The following RAPGEF2 variants were observed in gnomAD, a reference collection of about 807,000 sequenced individuals.
RAPGEF2 encodes Rap guanine nucleotide exchange factor 2.
Under a neutral mutation model 186.7 loss-of-function variants are expected in RAPGEF2, and 54 were observed. The ratio of observed to expected loss-of-function variants is 0.29; its 90% confidence interval spans 0.23 to 0.36. The LOEUF (loss-of-function observed/expected upper bound fraction) is 0.36. Among genes scored for constraint, RAPGEF2 ranks in the 10% least tolerant of loss-of-function variants. The pLI is 1.00. For synonymous variants in RAPGEF2, 712 were observed against 705.9 expected, an observed-to-expected ratio of 1.01 and a Z score of -0.14; for missense variants, 1,532 against 2,045.0, an observed-to-expected ratio of 0.75 and a Z score of 4.84.
chr4:159,199,470 G>GT (rs112495121), intron 3 of RAPGEF2, among the ~76,000 whole-genome samples: 20,223 of 145,380 alleles, frequency 0.14, 2,602 homozygotes, highest in African/African-American at 0.34. Context: ...GTTCCCGATG[G>GT]TTTTTTTTTT....
chr4:159,219,128 T>A (rs1474148093), intron 4 of RAPGEF2, among the ~76,000 whole-genome samples: 1 of 152,228 alleles, frequency 6.6e-6, no homozygotes, highest in Non-Finnish European at 1.5e-5. Context: ...GACTTGACTC[T>A]GTTCCCTAAG....
rs1037206507 is a variant in RAPGEF2, at chr4:159,360,020, T to C, written c.*1881T>C. The stretch of plus-strand genomic sequence containing the variant: ...TAGAAAGACATTGGTGGAGTCTGTA[T>C]CCCTTTTGTATTTTTAATACAATAA... On this transcript the variant is annotated 3_prime_UTR_variant, in exon 30 of 30. Transcript: ENST00000691494. 6.6e-6 allele frequency: 1 copy of C among 152,240 alleles called. No homozygotes were observed. The highest frequency in any genetic ancestry group is 1.5e-5 in the Non-Finnish European group (1 of 68,048). The allele number at this position is 152,240 out of a possible 1,614,324, so 9.4% of individuals were successfully genotyped here.
At chr4:159,250,070 AT>A (rs1424632891) in intron 7 of RAPGEF2, among the ~76,000 whole-genome samples, 1 of 152,232 alleles carries the variant, frequency 6.6e-6, no homozygotes, top group Non-Finnish European at 1.5e-5. Context: ...GGAAAAAGTA[AT>A]TGTAGAATCT....
At chr4:159,223,700 A>G (rs1751750523) in intron 4 of RAPGEF2, among the ~76,000 whole-genome samples, 1 of 152,164 alleles carries the variant, frequency 6.6e-6, no homozygotes, top group Non-Finnish European at 1.5e-5. Flanking sequence ...TATCAGAGAC[A>G]TATATGTTTG....
chr4:159,104,489 C>CTAGAGAGAGAGAGAGAGAGAGA (rs1737568409), intron 1 of RAPGEF2, among the ~76,000 whole-genome samples: 1 of 88,766 alleles, frequency 1.1e-5, no homozygotes, highest in Non-Finnish European at 2.1e-5. Context: ...GTTGCCCAGC[C>CTAGAGAGAGAGAGAGAGAGAGA]GAGAGAGAGA....
intron 3 of RAPGEF2, among the ~76,000 whole-genome samples, chr4:159,206,182 T>G (rs7659232): frequency 0.45 from 69,066 of 152,102 alleles, 16,576 homozygotes; most frequent in African/African-American, 0.61. Context: ...CACCCACCTC[T>G]GCCTTCCGAA....
intron 20 of RAPGEF2, among the ~76,000 whole-genome samples, chr4:159,342,661 A>G (rs772485906): frequency 6.7e-6 from 1 of 149,180 alleles, no homozygotes; most frequent in Non-Finnish European, 1.5e-5. Context: ...AATGGCCGCT[A>G]TGGGCTAAGC....
intron 4 of RAPGEF2, among the ~76,000 whole-genome samples, chr4:159,224,916 T>C (rs1275427326): frequency 6.6e-6 from 1 of 152,196 alleles, no homozygotes; most frequent in Non-Finnish European, 1.5e-5. Flanking sequence ...AGAAAAAAAG[T>C]AAAAGATGGC....
intron 1 of RAPGEF2, among the ~76,000 whole-genome samples, chr4:159,174,192 G>A (rs888445945): frequency 6.6e-6 from 1 of 152,170 alleles, no homozygotes; most frequent in Non-Finnish European, 1.5e-5. Context: ...TTTTCCCAGG[G>A]ACGTGACAAT....
chr4:159,320,777 C>G (rs1765147830), intron 9 of RAPGEF2, among the ~76,000 whole-genome samples: 1 of 151,778 alleles, frequency 6.6e-6, no homozygotes. Context: ...AGTTAATAAA[C>G]TATATCCAAG....
chr4:159,232,917 C>G (rs556744313), intron 4 of RAPGEF2, among the ~76,000 whole-genome samples: 5 of 152,260 alleles, frequency 3.3e-5, no homozygotes, highest in African/African-American at 9.6e-5. Flanking sequence ...TCTAATGACT[C>G]AAGATGCTGA....
chr4:159,259,086 G>A (rs981645868), intron 7 of RAPGEF2, among the ~76,000 whole-genome samples: 1 of 152,182 alleles, frequency 6.6e-6, no homozygotes, highest in African/African-American at 2.4e-5. Flanking sequence ...GCATGCACTG[G>A]CCAAAGAGGT....
chr4:159,268,993 G>A (rs1757771563), intron 7 of RAPGEF2, among the ~76,000 whole-genome samples: 1 of 152,130 alleles, frequency 6.6e-6, no homozygotes, highest in Non-Finnish European at 1.5e-5. Context: ...AATTTAGACA[G>A]CCTGTATAGT....
chr4:159,269,431 G>A (rs1757829291), intron 7 of RAPGEF2, among the ~76,000 whole-genome samples: 1 of 151,810 alleles, frequency 6.6e-6, no homozygotes, highest in Admixed American at 6.6e-5. Context: ...ATCAGATCCA[G>A]AAAAAGACCA....
intron 7 of RAPGEF2, among the ~76,000 whole-genome samples, chr4:159,256,701 G>A (rs1347700971): frequency 6.6e-6 from 1 of 152,166 alleles, no homozygotes; most frequent in Non-Finnish European, 1.5e-5. Context: ...AACCTCACAG[G>A]CATCTGTTGT....
intron 1 of RAPGEF2, among the ~76,000 whole-genome samples, chr4:159,179,107 G>A (rs1294821868): frequency 1.3e-5 from 2 of 152,140 alleles, no homozygotes; most frequent in South Asian, 2.1e-4. Flanking sequence ...AGGGTAAAAC[G>A]AAAGACTTAT....
At chr4:159,285,012 C>T (rs1760271739) in intron 7 of RAPGEF2, among the ~76,000 whole-genome samples, 1 of 152,160 alleles carries the variant, frequency 6.6e-6, no homozygotes, top group Non-Finnish European at 1.5e-5. Flanking sequence ...ATGTTCCATT[C>T]TGGGTGACAG....
At chr4:159,283,061 A>G (rs991421571) in intron 7 of RAPGEF2, among the ~76,000 whole-genome samples, 1 of 152,196 alleles carries the variant, frequency 6.6e-6, no homozygotes, top group African/African-American at 2.4e-5. Flanking sequence ...AAGTTATAAT[A>G]TCTTCTTTTA....
At chr4:159,306,775 T>C (rs1448735314) in intron 8 of RAPGEF2, among the ~76,000 whole-genome samples, 1 of 152,142 alleles carries the variant, frequency 6.6e-6, no homozygotes, top group African/African-American at 2.4e-5. Context: ...ATTACAAGTT[T>C]TTCTTATTAA....
Sources: allele counts gnomAD v4.1 joint callset (sites outside exome capture counted in the v4.1 genomes callset), GRCh38; gene constraint gnomAD v4.1.1; transcripts MANE v1.5; gene names NCBI Gene and HGNC (gene_info 2026-07-23, HGNC 2026-07-21).